Variants in PCGF6 observed in about 807,000 individuals in gnomAD.
The protein encoded by PCGF6 is polycomb group RING finger protein 6.
PCGF6 carries 24 observed loss-of-function variants against 45.5 expected under a neutral mutation model. The ratio of observed to expected loss-of-function variants is 0.53; its 90% CI spans 0.38 to 0.74. The LOEUF (loss-of-function observed/expected upper bound fraction) is 0.74, where lower values mean the gene tolerates loss of function less well. Ranked by LOEUF, PCGF6 falls within the 30% of genes least tolerant of loss-of-function variation. PCGF6 has a pLI of 0.00. For missense variants in PCGF6, 356 were observed against 443.2 expected, an observed-to-expected ratio of 0.80 and a Z score of 1.77; for synonymous variants, 152 against 162.1, an observed-to-expected ratio of 0.94 and a Z score of 0.47.
At chr10:103,314,498 T>C (rs558966308) in intron 8 of PCGF6, among the ~76,000 whole-genome samples, 13 of 152,344 alleles carry the variant, frequency 8.5e-5, no homozygotes, top group African/African-American at 2.4e-4. Flanking sequence ...CACAGTATAA[T>C]TGATATTCAA....
intron 6 of PCGF6, among the ~76,000 whole-genome samples, chr10:103,341,778 A>T (rs1396824011): frequency 6.6e-6 from 1 of 152,006 alleles, no homozygotes; most frequent in East Asian, 1.9e-4. Flanking sequence ...TTAGCTAGTC[A>T]TTAAAAGATA....
At chr10:103,309,202 G>C (rs1259102143) in intron 9 of PCGF6, among the ~76,000 whole-genome samples, 1 of 151,880 alleles carries the variant, frequency 6.6e-6, no homozygotes, top group Non-Finnish European at 1.5e-5. Context: ...TTGGTGGGGG[G>C]GGGGCATGAT....
At chr10:103,336,290 C>T (rs2093257050) in intron 6 of PCGF6, among the ~76,000 whole-genome samples, 1 of 150,108 alleles carries the variant, frequency 6.7e-6, no homozygotes, top group Admixed American at 6.6e-5. Context: ...AATAGAGATA[C>T]AGAAATATTT....
intron 8 of PCGF6, among the ~76,000 whole-genome samples, chr10:103,325,408 C>T (rs1399749931): frequency 6.6e-6 from 1 of 151,966 alleles, no homozygotes; most frequent in Admixed American, 6.6e-5. Context: ...TGTGTGCCAA[C>T]AGGTCCGGCT....
rs1218825120 is a variant in PCGF6, at chr10:103,337,899, C to T, written c.783-3947G>A. ...CTAAAACGGCGAAACCCCGTCTCTA[C>T]TAAAAATACAAAAAATTAGCCGGGC... On this transcript the variant is annotated intron_variant, in intron 6 of 9. Coordinates refer to ENST00000369847, the MANE Select transcript of PCGF6 (RefSeq NM_001011663.2). 2.8e-5 allele frequency among the ~76,000 whole-genome samples: 3 copies of T among 109,002 alleles called. 1 individual carries two copies. The highest frequency in any genetic ancestry group is 3.9e-5 in the Non-Finnish European group (2 of 50,788). 71.5% of individuals were successfully genotyped at this position (109,002 alleles called of 152,430 possible). A position where few individuals can be genotyped will look rare whatever the true frequency, so the allele number is the denominator to read the frequency against.
rs2093286302 is a variant in PCGF6, at chr10:103,342,948, T to G, written c.782+2076A>C. Among the ~76,000 whole-genome samples the G allele has an allele frequency of 2.6e-5, 4 of 152,094 alleles. No individual in the cohort carries two copies. In the South Asian group the frequency reaches 8.3e-4, roughly 32 times the overall value. ...CTTGCCTTTTAGGGGTTCTTTTCTT[T>G]TTGAGACGGAGTCTCTGCCGCCCAG... is the stretch of plus-strand genomic sequence containing the variant. On this transcript the variant is annotated intron_variant, in intron 6 of 9. Transcript: ENST00000369847.
intron 9 of PCGF6, among the ~76,000 whole-genome samples, chr10:103,311,647 T>A (rs1355313002): frequency 6.6e-6 from 1 of 151,968 alleles, no homozygotes; most frequent in Non-Finnish European, 1.5e-5. Flanking sequence ...TTACCATATG[T>A]TTTCTATACT....
intron 5 of PCGF6, among the ~76,000 whole-genome samples, chr10:103,346,229 C>T (rs1486380425): frequency 7.0e-6 from 1 of 142,532 alleles, no homozygotes; most frequent in Non-Finnish European, 1.5e-5. Flanking sequence ...CGGTGGCTCA[C>T]GCCTGTAATC....
At chr10:103,329,766 C>T (rs2093233064) in intron 7 of PCGF6, among the ~76,000 whole-genome samples, 1 of 151,916 alleles carries the variant, frequency 6.6e-6, no homozygotes, top group South Asian at 2.1e-4. Flanking sequence ...AGCCACCGTG[C>T]CCGGCCAGTT....
chr10:103,349,023 T>A, intron 1 of PCGF6, 24 bp from the exon 2 acceptor site: 1 of 1,572,400 alleles, frequency 6.4e-7, no homozygotes, highest in East Asian at 2.2e-5. Flanking sequence ...GAAACAGTTT[T>A]AAAATACAAG....
chr10:103,321,731 T>C (rs1009318859), intron 8 of PCGF6, among the ~76,000 whole-genome samples: 2 of 151,604 alleles, frequency 1.3e-5, no homozygotes, highest in Non-Finnish European at 2.9e-5. Flanking sequence ...CAAACAATAA[T>C]AATAATAATA....
At chr10:103,333,674 A>AT (rs1370505438) in intron 7 of PCGF6, among the ~76,000 whole-genome samples, 2 of 152,178 alleles carry the variant, frequency 1.3e-5, no homozygotes, top group Non-Finnish European at 2.9e-5. Context: ...GCTTTGAGAC[A>AT]TTTTTTATCA....
intron 8 of PCGF6, among the ~76,000 whole-genome samples, chr10:103,318,455 A>G (rs1269698225): frequency 6.6e-6 from 1 of 150,602 alleles, no homozygotes; most frequent in East Asian, 2.0e-4. Flanking sequence ...AAAAAAAAAA[A>G]GAAAAAAGTG....
At chr10:103,318,737 C>CT (rs1342782584) in intron 8 of PCGF6, among the ~76,000 whole-genome samples, 2 of 150,546 alleles carry the variant, frequency 1.3e-5, no homozygotes, top group Non-Finnish European at 3.0e-5. Context: ...GAGCGAGACT[C>CT]TGTCTGAAAA....
chr10:103,333,224 CTATT>C (rs1268377543), intron 7 of PCGF6, among the ~76,000 whole-genome samples: 1 of 151,874 alleles, frequency 6.6e-6, no homozygotes, highest in East Asian at 1.9e-4. Flanking sequence ...AATTACCTAT[CTATT>C]CCTATGCTTT....
chr10:103,351,098 G>C lies in PCGF6; in HGVS notation c.-32C>G. 2 of 1,339,658 alleles carry C rather than the reference G, an allele frequency of 1.5e-6. No individual in the cohort carries two copies. Among genetic ancestry groups the C allele is most frequent in the Non-Finnish European group, 1.9e-6 (2 of 1,045,118 alleles). The allele number at this position is 1,339,658 out of a possible 1,614,324, so 83.0% of individuals were successfully genotyped here. A position where few individuals can be genotyped will look rare whatever the true frequency, so the allele number is the denominator to read the frequency against. ...GAGAGACACCAGGCGAGGCGAGGCG[G>C]CGGGAGAGCGCGGGAGTTCGGCCGG... On this transcript the variant is annotated 5_prime_UTR_variant, in exon 1 of 10. Coordinates refer to ENST00000369847, the MANE Select transcript of PCGF6 (RefSeq NM_001011663.2).
chr10:103,340,695 C>T (rs2093277521), intron 6 of PCGF6, among the ~76,000 whole-genome samples: 1 of 151,964 alleles, frequency 6.6e-6, no homozygotes, highest in Non-Finnish European at 1.5e-5. Context: ...CTCCCGGGCT[C>T]AGTCGATCCT....
chr10:103,303,973 A>G lies in PCGF6; in HGVS notation c.997-12T>C, dbSNP rs759862305. ...ACAAGCAGACCATCCTGAAAAGGGG[A>G]GAAAAAAAGACGATTTTGCAGTTCT... On this transcript the variant is annotated splice_polypyrimidine_tract_variant and intron_variant, in intron 9 of 9. Coordinates refer to ENST00000369847, the MANE Select transcript of PCGF6 (RefSeq NM_001011663.2). 1 of 1,611,144 alleles carries G rather than the reference A, an allele frequency of 6.2e-7. No homozygotes were observed. Among genetic ancestry groups the G allele is most frequent in the South Asian group, 1.1e-5 (1 of 90,946 alleles).
chr10:103,344,978 C>G (rs776383200), intron 6 of PCGF6, 46 bp downstream of exon 6: 2 of 1,323,992 alleles, frequency 1.5e-6, no homozygotes, highest in South Asian at 1.3e-5. Flanking sequence ...CCTATTAGGA[C>G]TTTTAACATT....
Sources: gnomAD v4.1 joint callset for allele counts (sites outside exome capture counted in the v4.1 genomes callset) on GRCh38, gnomAD v4.1.1 for gene constraint, MANE v1.5 for transcripts, NCBI Gene and HGNC (gene_info 2026-07-23, HGNC 2026-07-21) for gene names.